BICD1: variants seen among roughly 807,000 people sequenced by gnomAD.
BICD1 encodes the protein BICD cargo adaptor 1.
BICD1 carries 35 observed loss-of-function variants against 92.5 expected under a neutral mutation model. That is an observed-to-expected ratio of 0.38 (90% CI 0.29 to 0.50). The LOEUF (loss-of-function observed/expected upper bound fraction) is 0.50, where lower values mean the gene tolerates loss of function less well. Among genes scored for constraint, BICD1 ranks in the 20% least tolerant of loss-of-function variants. The pLI, the probability that BICD1 is intolerant of heterozygous loss-of-function variation, is 0.93. For missense variants in BICD1, 950 were observed against 1,189.8 expected, an observed-to-expected ratio of 0.80 and a Z score of 2.97; for synonymous variants, 429 against 465.1, an observed-to-expected ratio of 0.92 and a Z score of 1.00.
At chr12:32,214,529 C>A (rs991531862) in intron 1 of BICD1, among the ~76,000 whole-genome samples, 1 of 152,096 alleles carries the variant, frequency 6.6e-6, no homozygotes, top group Non-Finnish European at 1.5e-5. Context: ...TATCTCTTTC[C>A]TTACTCGTGG....
chr12:32,167,370 T>C (rs1223441806), intron 1 of BICD1, among the ~76,000 whole-genome samples: 2 of 152,256 alleles, frequency 1.3e-5, no homozygotes, highest in African/African-American at 4.8e-5. Context: ...AACTTATTCA[T>C]ACATATTTGT....
chr12:32,369,741 T>A (rs1156965824), intron 9 of BICD1, among the ~76,000 whole-genome samples: 1 of 55,854 alleles, frequency 1.8e-5, no homozygotes, highest in East Asian at 6.0e-4. Context: ...CTCTACCAAA[T>A]TTTTTTTTTT....
At chr12:32,136,311 A>G (rs528941223) in intron 1 of BICD1, among the ~76,000 whole-genome samples, 2 of 152,208 alleles carry the variant, frequency 1.3e-5, no homozygotes, top group Admixed American at 1.3e-4. Context: ...CACACTGTTA[A>G]ATAATTACTT....
chr12:32,365,119 CCCAACTACTCGGGAGGCTGA>C (rs1409828479), intron 8 of BICD1, among the ~76,000 whole-genome samples: 1 of 152,178 alleles, frequency 6.6e-6, no homozygotes, highest in Admixed American at 6.5e-5. Flanking sequence ...CGCTTGTAAT[CCCAACTACTCGGGAGGCTGA>C]GGCAGGAGAA....
At chr12:32,197,144 G>A (rs552252385) in intron 1 of BICD1, among the ~76,000 whole-genome samples, 56 of 152,110 alleles carry the variant, frequency 3.7e-4, no homozygotes, top group Non-Finnish European at 7.5e-4. Context: ...GAGTAGCTGG[G>A]ATTACAGGCA....
chr12:32,331,902 A>C (rs1937890315), intron 5 of BICD1, among the ~76,000 whole-genome samples: 2 of 152,176 alleles, frequency 1.3e-5, no homozygotes, highest in South Asian at 4.1e-4. Flanking sequence ...AGCTTCAAGT[A>C]TTAACAGATG....
chr12:32,173,317 C>T (rs138583408), intron 1 of BICD1, among the ~76,000 whole-genome samples: 3,576 of 152,182 alleles, frequency 0.023, 67 homozygotes, highest in Non-Finnish European at 0.037. Flanking sequence ...CCCAAAGTGC[C>T]GGGATTACAG....
At chr12:32,137,533 G>A (rs1942775205) in intron 1 of BICD1, among the ~76,000 whole-genome samples, 1 of 152,200 alleles carries the variant, frequency 6.6e-6, no homozygotes, top group Non-Finnish European at 1.5e-5. Context: ...GTAACGTGTT[G>A]TAGGGCATAT....
intron 4 of BICD1, among the ~76,000 whole-genome samples, chr12:32,314,835 A>G (rs1173478333): frequency 4.6e-5 from 7 of 151,962 alleles, no homozygotes; most frequent in African/African-American, 1.7e-4. Context: ...CATAGGCACA[A>G]TCATAGCACA....
intron 1 of BICD1, among the ~76,000 whole-genome samples, chr12:32,176,824 AC>A (rs2121519372): frequency 6.6e-6 from 1 of 152,190 alleles, no homozygotes; most frequent in South Asian, 2.1e-4. Flanking sequence ...CTGTTGATGG[AC>A]ATTTGAGTCA....
At chr12:32,339,225 A>C in intron 8 of BICD1, 1 of 1,217,020 alleles carries the variant, frequency 8.2e-7, no homozygotes, top group Non-Finnish European at 1.0e-6. Flanking sequence ...GGAATGGGAT[A>C]GGTAAAGGGA....
chr12:32,251,876 T>A (rs778130768), intron 2 of BICD1, among the ~76,000 whole-genome samples: 18 of 149,320 alleles, frequency 1.2e-4, no homozygotes, highest in Non-Finnish European at 2.7e-4. Context: ...TCAAAAGACA[T>A]CTATTATCTT....
At chr12:32,116,512 A>C (rs12821349) in intron 1 of BICD1, among the ~76,000 whole-genome samples, 28,541 of 107,100 alleles carry the variant, frequency 0.27, 3,009 homozygotes, top group East Asian at 0.39. Context: ...CTCTCTCTCT[A>C]TATATATATA....
In BICD1 at chr12:32,308,748, CT is replaced by C. The variant is rs1046498590; in HGVS notation, c.1005+2629del. Among the ~76,000 whole-genome samples, 69 of 152,218 alleles carry C rather than the reference CT, an allele frequency of 4.5e-4. 1 individual carries two copies. The highest frequency in any genetic ancestry group is 1.5e-3 in the African/African-American group (61 of 41,544). ...TAGCAAAATGTTAGGGTGAGAAAAACTTTGCTGGATAAACCCTCCATCAGTC... is the reference window on the plus strand; with the variant it reads ...TAGCAAAATGTTAGGGTGAGAAAAACTTGCTGGATAAACCCTCCATCAGTC... On this transcript the variant is annotated intron_variant, in intron 4 of 9. Transcript: ENST00000652176.
At chr12:32,240,554 A>T (rs1193518976) in intron 2 of BICD1, among the ~76,000 whole-genome samples, 1 of 152,232 alleles carries the variant, frequency 6.6e-6, no homozygotes, top group African/African-American at 2.4e-5. Context: ...TCATGAGGAC[A>T]GTGTGATTAC....
At chr12:32,148,745 G>A (rs229003) in intron 1 of BICD1, among the ~76,000 whole-genome samples, 1 of 152,078 alleles carries the variant, frequency 6.6e-6, no homozygotes, top group Non-Finnish European at 1.5e-5. Flanking sequence ...TGTTGCCGGG[G>A]ACAGTGGCTC....
At chr12:32,295,656 C>CTTT (rs142531197) in intron 3 of BICD1, among the ~76,000 whole-genome samples, 6 of 140,678 alleles carry the variant, frequency 4.3e-5, no homozygotes, top group African/African-American at 1.3e-4. Context: ...AATTTGATTT[C>CTTT]TTTTTTTTTT....
intron 8 of BICD1, among the ~76,000 whole-genome samples, chr12:32,365,313 A>C (rs1274323596): frequency 6.6e-6 from 1 of 152,206 alleles, no homozygotes; most frequent in African/African-American, 2.4e-5. Flanking sequence ...AGTGATATTC[A>C]CTACAAATAA....
At position 32,239,868 on chromosome 12, in the gene BICD1, A is replaced by G. The variant is rs548587461; in HGVS notation, c.426+23409A>G. On this transcript the variant is annotated intron_variant, in intron 2 of 9. Coordinates refer to ENST00000652176, the MANE Select transcript of BICD1 (RefSeq NM_001714.4). ...AGTGATCTGCCCGCCTCATCCTCCC[A>G]AAGTGCTGGGATTACAGGCATGAGC... Among the ~76,000 whole-genome samples the G allele has an allele frequency of 1.4e-3, 216 of 152,146 alleles. 2 individuals are homozygous for G. In the South Asian group the frequency reaches 0.019, roughly 14 times the overall value.
Sources: gnomAD v4.1 joint callset for allele counts (sites outside exome capture counted in the v4.1 genomes callset) on GRCh38, gnomAD v4.1.1 for gene constraint, MANE v1.5 for transcripts, NCBI Gene and HGNC (gene_info 2026-07-23, HGNC 2026-07-21) for gene names.